The following PRKG1 variants were observed in gnomAD, a reference collection of about 807,000 sequenced individuals.
PRKG1 encodes the protein cGMP-dependent protein kinase 1.
A neutral mutation model predicts 88.1 loss-of-function variants in PRKG1; 35 were observed. That is an observed-to-expected ratio of 0.40 (90% CI 0.30 to 0.53). The LOEUF is 0.53. Among genes scored for constraint, PRKG1 ranks in the 20% least tolerant of loss-of-function variants. The probability of loss-of-function intolerance (pLI) is 0.59; values close to 1 mark genes in which losing one functional copy is unlikely to be tolerated. For missense variants in PRKG1, 540 were observed against 839.8 expected, an observed-to-expected ratio of 0.64 and a Z score of 4.41; for synonymous variants, 303 against 292.5, an observed-to-expected ratio of 1.04 and a Z score of -0.37.
intron 4 of PRKG1, among the ~76,000 whole-genome samples, chr10:51,860,787 A>G (rs1840854418): frequency 6.6e-6 from 1 of 152,218 alleles, no homozygotes; most frequent in Non-Finnish European, 1.5e-5. Context: ...AAGGATAGGC[A>G]GATCTGATAA....
intron 7 of PRKG1, among the ~76,000 whole-genome samples, chr10:52,093,195 A>C (rs1367774476): frequency 6.6e-6 from 1 of 152,202 alleles, no homozygotes; most frequent in African/African-American, 2.4e-5. Context: ...TAAAGAAGTG[A>C]AGATTACTAC....
At chr10:51,077,698 A>G (rs759701452) in intron 1 of PRKG1, among the ~76,000 whole-genome samples, 4 of 152,192 alleles carry the variant, frequency 2.6e-5, no homozygotes, top group Non-Finnish European at 4.4e-5. Flanking sequence ...CACTCCTGCT[A>G]TAACTATGAG....
chr10:51,004,730 CTG>C (rs754907477), intron 1 of PRKG1, among the ~76,000 whole-genome samples: 55 of 151,156 alleles, frequency 3.6e-4, no homozygotes, highest in Non-Finnish European at 8.0e-4. Context: ...GGGTGTGTGC[CTG>C]TGTGTGTGTT....
intron 1 of PRKG1, among the ~76,000 whole-genome samples, chr10:51,150,180 T>C (rs1304718493): frequency 1.3e-5 from 2 of 152,148 alleles, no homozygotes; most frequent in Non-Finnish European, 2.9e-5. Context: ...ATATATACTC[T>C]GGGTTGAGCA....
At chr10:52,159,080 A>G (rs1838207357) in intron 8 of PRKG1, among the ~76,000 whole-genome samples, 2 of 151,712 alleles carry the variant, frequency 1.3e-5, no homozygotes, top group Non-Finnish European at 3.0e-5. Context: ...AAGGAAATAT[A>G]TAAAGATACC....
intron 4 of PRKG1, among the ~76,000 whole-genome samples, chr10:51,899,943 G>A (rs1365099947): frequency 6.6e-6 from 1 of 151,802 alleles, no homozygotes; most frequent in East Asian, 1.9e-4. Context: ...AAAAGAGCCT[G>A]GCACCTCTCT....
intron 2 of PRKG1, among the ~76,000 whole-genome samples, chr10:51,217,320 C>T (rs1199544540): frequency 6.6e-6 from 1 of 152,076 alleles, no homozygotes; most frequent in African/African-American, 2.4e-5. Context: ...CATCTTAATC[C>T]ATTTTTTTCT....
intron 4 of PRKG1, among the ~76,000 whole-genome samples, chr10:51,860,451 A>G (rs1467275029): frequency 1.3e-5 from 2 of 152,186 alleles, no homozygotes; most frequent in African/African-American, 4.8e-5. Flanking sequence ...AAGTGACACA[A>G]GTTATTTTTG....
chr10:51,969,154 A>G (rs1843644689), intron 5 of PRKG1, among the ~76,000 whole-genome samples: 1 of 152,178 alleles, frequency 6.6e-6, no homozygotes, highest in African/African-American at 2.4e-5. Flanking sequence ...TATAAAGTAA[A>G]TTTCTTACTT....
intron 9 of PRKG1, among the ~76,000 whole-genome samples, chr10:52,200,658 A>G (rs974080118): frequency 6.6e-6 from 1 of 152,216 alleles, no homozygotes. Context: ...TGGCTTAACT[A>G]ATTAACATTC....
intron 1 of PRKG1, among the ~76,000 whole-genome samples, chr10:50,992,405 T>G (rs1161330093): frequency 2.0e-5 from 3 of 152,228 alleles, no homozygotes; most frequent in Non-Finnish European, 1.5e-5. Flanking sequence ...TGCTCTAGGT[T>G]TGGAGTCCGC....
intron 9 of PRKG1, among the ~76,000 whole-genome samples, chr10:52,180,320 G>A (rs113629068): frequency 0.014 from 2,138 of 152,044 alleles, 54 homozygotes; most frequent in African/African-American, 0.049. Context: ...ATTGTTTCCC[G>A]GATTTGTTTA....
rs1343475292 is a variant in PRKG1 at position 51,088,809 on chromosome 10, T to G, written c.311+13908T>G. Among the ~76,000 whole-genome samples, 4 of 34,168 alleles carry G rather than the reference T, an allele frequency of 1.2e-4. No individual in the cohort carries two copies. The African/African-American group carries it at 1.2e-3, about 10-fold the overall frequency. 22.4% of individuals were successfully genotyped at this position (34,168 alleles called of 152,430 possible). On this transcript the variant is annotated intron_variant, in intron 1 of 17. Coordinates refer to ENST00000373980, the MANE Select transcript of PRKG1 (RefSeq NM_006258.4). ...GGCACACAGTAGATATTTAATATGATTTTTTTTTTTTTTTTTTGTCAAATG... is the reference window on the plus strand; with the variant it reads ...GGCACACAGTAGATATTTAATATGAGTTTTTTTTTTTTTTTTTGTCAAATG...
rs552788513 is a variant in PRKG1, at chr10:51,190,102, G to A, written c.478+36772G>A. Among the ~76,000 whole-genome samples the A allele has an allele frequency of 7.2e-5, 11 of 152,012 alleles. No homozygotes were observed. In the East Asian group the frequency reaches 1.9e-3, roughly 27 times the overall value. On this transcript the variant is annotated intron_variant, in intron 2 of 17. Transcript: ENST00000373980. Reference sequence around the variant, plus strand: ...TGTGACTAAACACTTGAGTTCATACGTAACAACATTGTTGTTGTCATATCT... The same window carrying A: ...TGTGACTAAACACTTGAGTTCATACATAACAACATTGTTGTTGTCATATCT...
intron 3 of PRKG1, among the ~76,000 whole-genome samples, chr10:51,644,124 G>A (rs1839863683): frequency 1.3e-5 from 2 of 152,060 alleles, no homozygotes; most frequent in Admixed American, 1.3e-4. Context: ...TAAACTCTTA[G>A]TATCACAGAA....
At position 51,699,724 on chromosome 10, in the gene PRKG1, A is replaced by G. The variant is rs1841414221; in HGVS notation, c.593-104861A>G. 8 of 637,994 alleles carry G rather than the reference A, an allele frequency of 1.3e-5. No homozygotes were observed. The Admixed American group carries it at 2.1e-4, about 16-fold the overall frequency. 39.5% of individuals were successfully genotyped at this position (637,994 alleles called of 1,614,324 possible). On this transcript the variant is annotated intron_variant, in intron 3 of 17. Transcript: ENST00000373980. ...CTGCATCCCACTAACAACTTATCTA[A>G]TGCTTTCAGTCCCTGATCCTTCATG...
chr10:51,974,618 G>C (rs1843784013), intron 5 of PRKG1, among the ~76,000 whole-genome samples: 1 of 151,852 alleles, frequency 6.6e-6, no homozygotes, highest in Non-Finnish European at 1.5e-5. Flanking sequence ...TAGTTCTTTT[G>C]TTTACCTAAA....
intron 5 of PRKG1, among the ~76,000 whole-genome samples, chr10:51,970,846 A>G (rs1026723218): frequency 6.8e-6 from 1 of 148,134 alleles, no homozygotes; most frequent in Non-Finnish European, 1.5e-5. Flanking sequence ...ATATATATAT[A>G]TATCTCCATC....
intron 1 of PRKG1, among the ~76,000 whole-genome samples, chr10:51,013,327 A>G (rs888007071): frequency 6.6e-6 from 1 of 152,200 alleles, no homozygotes; most frequent in Non-Finnish European, 1.5e-5. Flanking sequence ...TACCACCACT[A>G]GACTTGCAGA....
Sources: gnomAD v4.1 joint callset for allele counts (sites outside exome capture counted in the v4.1 genomes callset) on GRCh38, gnomAD v4.1.1 for gene constraint, MANE v1.5 for transcripts, NCBI Gene and HGNC (gene_info 2026-07-23, HGNC 2026-07-21) for gene names.